The following CNTNAP2 variants were observed in gnomAD, a reference collection of about 807,000 sequenced individuals.
CNTNAP2 encodes contactin associated protein 2.
In CNTNAP2, 98 loss-of-function variants were observed where a neutral mutation model predicts 155.2. The ratio of observed to expected loss-of-function variants is 0.63; its 90% CI spans 0.54 to 0.75. CNTNAP2 has a LOEUF of 0.75. Ranked by LOEUF, CNTNAP2 falls within the 30% of genes least tolerant of loss-of-function variation. CNTNAP2 has a pLI of 0.00. For synonymous variants in CNTNAP2, 651 were observed against 631.2 expected (o/e 1.03, Z -0.47); for missense variants, 1,727 against 1,688.1 (o/e 1.02, Z -0.40).
intron 10 of CNTNAP2, among the ~76,000 whole-genome samples, chr7:147,471,241 A>ACTTG (rs1798211740): frequency 6.6e-6 from 1 of 152,214 alleles, no homozygotes; most frequent in African/African-American, 2.4e-5. Flanking sequence ...CTTGCATACA[A>ACTTG]AGTTTAACCT....
intron 22 of CNTNAP2, among the ~76,000 whole-genome samples, chr7:148,386,815 G>C (rs1010532636): frequency 6.6e-6 from 1 of 152,112 alleles, no homozygotes; most frequent in Admixed American, 6.5e-5. Flanking sequence ...ATGCATATAG[G>C]AGCTTGAAAA....
intron 13 of CNTNAP2, among the ~76,000 whole-genome samples, chr7:147,741,496 GA>G (rs1563073034): frequency 6.6e-6 from 1 of 152,142 alleles, no homozygotes; most frequent in African/African-American, 2.4e-5. Flanking sequence ...TAAAATATGT[GA>G]AAAATGTTAA....
Position 146,490,481 on chromosome 7 carries a change from C to T in CNTNAP2, c.98-283790C>T, listed in dbSNP as rs117083132. Among the ~76,000 whole-genome samples the T allele has an allele frequency of 6.9e-3, 1,052 of 152,192 alleles. 7 individuals are homozygous for T. Among genetic ancestry groups the T allele is most frequent in the Middle Eastern group, 0.068 (20 of 294 alleles). ...AAAATGGTCTAAACATGTTTTCCCG[C>T]GACATAACTTTTGAGTAAAGGCTGA... On this transcript the variant is annotated intron_variant, in intron 1 of 23. Coordinates refer to ENST00000361727, the MANE Select transcript of CNTNAP2 (RefSeq NM_014141.6).
Position 147,401,854 on chromosome 7 carries a change from C to T in CNTNAP2, c.1670+6074C>T, listed in dbSNP as rs191549680. ...TATAAGTTTCCTGAAGCCTCTCCAG[C>T]TGTGTGGGACTGTGAGTCAATTAAA... On this transcript the variant is annotated intron_variant, in intron 10 of 23. Transcript: ENST00000361727. Among the ~76,000 whole-genome samples the T allele has an allele frequency of 3.8e-3, 583 of 152,290 alleles. 2 individuals carry two copies. Among genetic ancestry groups the T allele is most frequent in the Non-Finnish European group, 6.6e-3 (451 of 68,016 alleles).
intron 3 of CNTNAP2, among the ~76,000 whole-genome samples, chr7:146,847,354 C>T (rs544984234): frequency 1.8e-4 from 27 of 152,220 alleles, no homozygotes; most frequent in African/African-American, 6.0e-4. Flanking sequence ...ATCAGACCAC[C>T]TAGGCAGATT....
chr7:147,002,082 A>G lies in CNTNAP2; in HGVS notation c.403-41825A>G, dbSNP rs147472710. Among the ~76,000 whole-genome samples, 852 of 152,096 alleles carry G rather than the reference A, an allele frequency of 5.6e-3. 8 individuals carry two copies. Among genetic ancestry groups the G allele is most frequent in the African/African-American group, 0.019 (782 of 41,550 alleles). On this transcript the variant is annotated intron_variant, in intron 3 of 23. Coordinates refer to ENST00000361727, the MANE Select transcript of CNTNAP2 (RefSeq NM_014141.6). ...AATGTAATAGAAATATATAATAGGTAGGGTAATAAAGTGTGATAACAAATA... is the reference window on the plus strand; with the variant it reads ...AATGTAATAGAAATATATAATAGGTGGGGTAATAAAGTGTGATAACAAATA...
At chr7:147,097,429 T>TA (rs1800561310) in intron 4 of CNTNAP2, 1 of 152,244 alleles carries the variant, frequency 6.6e-6, no homozygotes, top group Admixed American at 6.5e-5. Context: ...TTAATGGACT[T>TA]ACAATTCCTC....
At chr7:146,919,199 G>T (rs1023012714) in intron 3 of CNTNAP2, among the ~76,000 whole-genome samples, 1 of 152,132 alleles carries the variant, frequency 6.6e-6, no homozygotes, top group Admixed American at 6.5e-5. Context: ...CAGAGATTTT[G>T]TCTTGGTTTG....
intron 13 of CNTNAP2, among the ~76,000 whole-genome samples, chr7:147,833,763 G>T (rs1335273634): frequency 1.3e-5 from 2 of 152,184 alleles, no homozygotes; most frequent in East Asian, 1.9e-4. Flanking sequence ...CTTACTGGTC[G>T]CATCCAAGAC....
intron 1 of CNTNAP2, among the ~76,000 whole-genome samples, chr7:146,712,476 T>G (rs184682): frequency 0.033 from 4,911 of 148,968 alleles, 104 homozygotes; most frequent in African/African-American, 0.049. Flanking sequence ...TGAACTGGAC[T>G]TTGAAGAATA....
intron 8 of CNTNAP2, among the ~76,000 whole-genome samples, chr7:147,217,306 C>T (rs1437222487): frequency 6.6e-6 from 1 of 151,804 alleles, no homozygotes; most frequent in Non-Finnish European, 1.5e-5. Flanking sequence ...TATTCTTTTT[C>T]ATGTTGAGGA....
chr7:148,049,829 T>C (rs952924937), intron 15 of CNTNAP2, among the ~76,000 whole-genome samples: 1 of 152,248 alleles, frequency 6.6e-6, no homozygotes, highest in African/African-American at 2.4e-5. Flanking sequence ...TTATACATTT[T>C]ATCATTCAAG....
In CNTNAP2 at chr7:146,371,365, G is replaced by GTTTTTTTT. The variant is rs58066282; in HGVS notation, c.97+254406_97+254413dup. 4.2e-4 allele frequency among the ~76,000 whole-genome samples: 41 copies of GTTTTTTTT among 98,532 alleles called. 3 individuals are homozygous for GTTTTTTTT. The highest frequency in any genetic ancestry group is 1.3e-3 in the African/African-American group (28 of 22,324). The allele number at this position is 98,532 out of a possible 152,430, so 64.6% of individuals were successfully genotyped here. On this transcript the variant is annotated intron_variant, in intron 1 of 23. Transcript: ENST00000361727. The stretch of plus-strand genomic sequence containing the variant: ...TGCAATATAATATATGCCAGTATTA[G>GTTTTTTTT]TTTTTTTTTTTTTTTTTTTTTGAGA...
At chr7:148,247,898 C>G (rs542107649) in intron 20 of CNTNAP2, among the ~76,000 whole-genome samples, 2 of 152,076 alleles carry the variant, frequency 1.3e-5, no homozygotes, top group East Asian at 3.9e-4. Context: ...AAGCAATCTG[C>G]CCACCTCAGC....
rs191175286 is a variant in CNTNAP2, at chr7:146,722,090, A to G, written c.98-52181A>G. On this transcript the variant is annotated intron_variant, in intron 1 of 23. Transcript: ENST00000361727. ...TTTTTAGTAGAGACAGGTTTTCACC[A>G]TGTTGGCCAGGCTGGTTTTGAACTC... Among the ~76,000 whole-genome samples the G allele has an allele frequency of 3.3e-5, 5 of 151,218 alleles. No individual in the cohort carries two copies. In the South Asian group the frequency reaches 1.0e-3, roughly 31 times the overall value.
chr7:147,283,613 A>G (rs1805103946), intron 8 of CNTNAP2, among the ~76,000 whole-genome samples: 3 of 152,086 alleles, frequency 2.0e-5, no homozygotes, highest in East Asian at 1.9e-4. Context: ...GTTTAACATT[A>G]TATGTCATCT....
At chr7:146,573,370 T>G (rs1221242855) in intron 1 of CNTNAP2, among the ~76,000 whole-genome samples, 1 of 152,158 alleles carries the variant, frequency 6.6e-6, no homozygotes, top group African/African-American at 2.4e-5. Flanking sequence ...CTTGATCTCC[T>G]GACCTCGTGA....
At chr7:146,639,522 G>A (rs1799669237) in intron 1 of CNTNAP2, among the ~76,000 whole-genome samples, 1 of 152,216 alleles carries the variant, frequency 6.6e-6, no homozygotes, top group South Asian at 2.1e-4. Context: ...AAACTTGCTT[G>A]AGTGTAAAAT....
intron 1 of CNTNAP2, among the ~76,000 whole-genome samples, chr7:146,565,770 T>C (rs1436170494): frequency 6.6e-6 from 1 of 152,232 alleles, no homozygotes. Flanking sequence ...ACGATGTGAG[T>C]GGTTTTGACT....
Sources: allele counts gnomAD v4.1 joint callset (sites outside exome capture counted in the v4.1 genomes callset), GRCh38; gene constraint gnomAD v4.1.1; transcripts MANE v1.5; gene names NCBI Gene and HGNC (gene_info 2026-07-23, HGNC 2026-07-21).